Variants in ANK1 observed in about 807,000 individuals in gnomAD.
ANK1 encodes ankyrin 1.
A neutral mutation model predicts 210.4 loss-of-function variants in ANK1; 51 were observed. The observed-to-expected ratio is 0.24, with a 90% confidence interval of 0.19 to 0.31. ANK1 has a LOEUF of 0.31. Ranked by LOEUF, ANK1 falls within the 10% of genes least tolerant of loss-of-function variation. ANK1 has a pLI of 1.00. For missense variants in ANK1, 2,051 were observed against 2,504.4 expected, an observed-to-expected ratio of 0.82 and a Z score of 3.86; for synonymous variants, 967 against 1,025.9, an observed-to-expected ratio of 0.94 and a Z score of 1.10.
At chr8:41,664,146 G>A (rs767223747) in intron 39 of ANK1, 1 of 458,602 alleles carries the variant, frequency 2.2e-6, no homozygotes, top group Admixed American at 2.3e-5. Flanking sequence ...TGACTTGCTT[G>A]AAACCCCAGA....
Position 41,661,940 on chromosome 8 carries a change from A to G in ANK1, c.5480T>C (p.Ile1827Thr). 1 of 1,613,744 alleles carries G rather than the reference A, an allele frequency of 6.2e-7. No individual in the cohort carries two copies. The highest frequency in any genetic ancestry group is 8.5e-7 in the Non-Finnish European group (1 of 1,179,994). The change falls in exon 41 of 43, where the codon ATC becomes ACC. Residue 1827 changes from isoleucine to threonine, a missense_variant and splice_region_variant. Ile to Thr is a moderately conservative substitution (Grantham distance 89). Transcript: ENST00000289734. Reference sequence around the variant, plus strand: ...TATCTGTCGAACCACCTTGCGAATGATCTAGGAAAGGAAGGGAAGGAGGAA... The same window carrying G: ...TATCTGTCGAACCACCTTGCGAATGGTCTAGGAAAGGAAGGGAAGGAGGAA... ...DEQGNIVTKK[I>T]IRKVVRQIDL...
upstream of ANK1, chr8:41,797,706 A>G: frequency 9.1e-7 from 1 of 1,093,940 alleles, no homozygotes. The surrounding 1 kb of genome is among the most constrained non-coding windows in gnomAD (Gnocchi z 4.0). Flanking sequence ...CGCTCCCGGC[A>G]CGGGCGGGCG....
chr8:41,843,138 G>A (rs983054437), intron 1 of ANK1, among the ~76,000 whole-genome samples: 29 of 152,150 alleles, frequency 1.9e-4, no homozygotes, highest in African/African-American at 6.8e-4. Context: ...ATGAGCCACC[G>A]CGCCCAGCCA....
At position 41,776,924 on chromosome 8, in the gene ANK1, G is replaced by C. The variant is rs192927512; in HGVS notation, c.28-18787C>G. Among the ~76,000 whole-genome samples the C allele has an allele frequency of 2.0e-3, 311 of 152,338 alleles. 2 individuals are homozygous for C. The highest frequency in any genetic ancestry group is 7.1e-3 in the African/African-American group (296 of 41,588). On this transcript the variant is annotated intron_variant, in intron 1 of 42. Transcript: ENST00000289734. ...TTTCTCTTTACTACCAAGGAAACAA[G>C]AGCAGGTGTCACACATAATACTTCA...
intron 38 of ANK1, 29 bp downstream of exon 38, chr8:41,672,325 G>C: frequency 6.2e-7 from 1 of 1,611,130 alleles, no homozygotes; most frequent in Non-Finnish European, 8.5e-7. Context: ...AGACAAAAAG[G>C]GACCCTGCTC....
intron 1 of ANK1, among the ~76,000 whole-genome samples, chr8:41,807,989 AGAG>A (rs1447094675): frequency 6.6e-6 from 1 of 151,074 alleles, no homozygotes; most frequent in Non-Finnish European, 1.5e-5. Context: ...GAGGAAGAAG[AGAG>A]GATGATGAAA....
intron 1 of ANK1, among the ~76,000 whole-genome samples, chr8:41,786,339 G>A (rs924135112): frequency 2.0e-5 from 3 of 152,240 alleles, no homozygotes; most frequent in Admixed American, 2.0e-4. Flanking sequence ...TGGGGACCCT[G>A]TAGACAGGCT....
intron 36 of ANK1, among the ~76,000 whole-genome samples, chr8:41,685,244 A>G (rs1817407920): frequency 6.6e-6 from 1 of 152,196 alleles, no homozygotes. Context: ...GCCAATTTAA[A>G]AGTCTAGAAA....
upstream of ANK1, among the ~76,000 whole-genome samples, chr8:41,798,308 C>T (rs1054106): frequency 6.6e-6 from 1 of 152,268 alleles, no homozygotes; most frequent in East Asian, 1.9e-4. Context: ...GCTTAGTGGC[C>T]GATTTGCAGG....
At chr8:41,744,683 C>T (rs550799421) in intron 2 of ANK1, among the ~76,000 whole-genome samples, 3 of 152,136 alleles carry the variant, frequency 2.0e-5, no homozygotes, top group African/African-American at 7.2e-5. Flanking sequence ...ACTACAGGCC[C>T]GCCACCACGC....
At chr8:41,717,582 C>T in intron 12 of ANK1, 22 bp downstream of exon 12, 1 of 1,547,378 alleles carries the variant, frequency 6.5e-7, no homozygotes, top group South Asian at 1.2e-5. Flanking sequence ...GGGAGCAAGC[C>T]CCTGCCTGCC....
chr8:41,658,895 A>AATAT (rs1373249514), intron 42 of ANK1, among the ~76,000 whole-genome samples: 2 of 102,286 alleles, frequency 2.0e-5, no homozygotes, highest in African/African-American at 3.6e-5. Flanking sequence ...TCCCTCTCAA[A>AATAT]ATATAAATAA....
In ANK1 at chr8:41,655,626, C is replaced by T; in HGVS notation, c.*164G>A. 7.0e-7 allele frequency: 1 copy of T among 1,432,794 alleles called. No individual in the cohort carries two copies. 88.8% of individuals were successfully genotyped at this position (1,432,794 alleles called of 1,614,324 possible). A position where few individuals can be genotyped will look rare whatever the true frequency, so the allele number is the denominator to read the frequency against. On this transcript the variant is annotated 3_prime_UTR_variant, in exon 43 of 43. Coordinates refer to ENST00000289734, the MANE Select transcript of ANK1 (RefSeq NM_000037.4). Reference sequence around the variant, plus strand: ...TGCCAAGAGGGGACTAGCAGGAGTCCCTTACAGAGGTCATGCCGTCAGCCC... The same window carrying T: ...TGCCAAGAGGGGACTAGCAGGAGTCTCTTACAGAGGTCATGCCGTCAGCCC...
upstream of ANK1, among the ~76,000 whole-genome samples, chr8:41,800,018 C>A (rs146199710): frequency 4.8e-3 from 732 of 152,276 alleles, 2 homozygotes; most frequent in Non-Finnish European, 7.7e-3. Flanking sequence ...CCAAGAGCTT[C>A]CCAAGTTATC....
chr8:41,840,201 GT>G (rs1443155918), intron 1 of ANK1: 1 of 151,986 alleles, frequency 6.6e-6, no homozygotes, highest in Non-Finnish European at 1.5e-5. Context: ...CAACGTGCTG[GT>G]CCCCCACTCC....
In ANK1 at chr8:41,655,593, G is replaced by T. The variant is rs1805378462; in HGVS notation, c.*197C>A. ...CCTGGAGGTCATGCGTCTACAGTCAGTCATTCATGCCAAGAGGGGACTAGC... is the reference window on the plus strand; with the variant it reads ...CCTGGAGGTCATGCGTCTACAGTCATTCATTCATGCCAAGAGGGGACTAGC... On this transcript the variant is annotated 3_prime_UTR_variant, in exon 43 of 43. Transcript: ENST00000289734. The T allele has an allele frequency of 7.4e-6, 8 of 1,082,480 alleles. No homozygotes were observed. Among genetic ancestry groups the T allele is most frequent in the Non-Finnish European group, 1.1e-5 (8 of 717,772 alleles). The allele number at this position is 1,082,480 out of a possible 1,614,324, so 67.1% of individuals were successfully genotyped here. A position where few individuals can be genotyped will look rare whatever the true frequency, so the allele number is the denominator to read the frequency against.
chr8:41,680,294 G>T (rs1815558143), intron 37 of ANK1, among the ~76,000 whole-genome samples: 1 of 152,222 alleles, frequency 6.6e-6, no homozygotes, highest in East Asian at 1.9e-4. Context: ...CGGGCACAGT[G>T]GCTCATGCCT....
intron 1 of ANK1, among the ~76,000 whole-genome samples, chr8:41,806,439 G>T (rs778950445): frequency 6.6e-6 from 1 of 152,180 alleles, no homozygotes; most frequent in African/African-American, 2.4e-5. Context: ...CACAGGCCAG[G>T]TGCAGTTGTT....
At chr8:41,831,326 C>G (rs79839923) in intron 1 of ANK1, among the ~76,000 whole-genome samples, 5,644 of 152,230 alleles carry the variant, frequency 0.037, 177 homozygotes, top group African/African-American at 0.087. Context: ...CCCAGCAATC[C>G]CACTCCTGGG....
Sources: allele counts gnomAD v4.1 joint callset (sites outside exome capture counted in the v4.1 genomes callset), GRCh38; gene constraint gnomAD v4.1.1; non-coding constraint Gnocchi (gnomAD v3.1); transcripts MANE v1.5; gene names NCBI Gene and HGNC (gene_info 2026-07-23, HGNC 2026-07-21).